Variants in LOXL3 observed in about 807,000 individuals in gnomAD.
LOXL3 encodes the protein lysyl oxidase homolog 3.
In LOXL3, 60 loss-of-function variants were observed where a neutral mutation model predicts 91.8. That is an observed-to-expected ratio of 0.65 (90% CI 0.53 to 0.81). LOXL3 has a LOEUF of 0.81. Among genes scored for constraint, LOXL3 ranks in the 30% least tolerant of loss-of-function variants. The probability of loss-of-function intolerance (pLI) is 0.00; values close to 1 mark genes in which losing one functional copy is unlikely to be tolerated. For synonymous variants in LOXL3, 355 were observed against 387.6 expected (o/e 0.92, Z 0.99); for missense variants, 874 against 1,000.4 (o/e 0.87, Z 1.70).
At chr2:74,545,175 A>C (rs1030834188) in intron 4 of LOXL3, among the ~76,000 whole-genome samples, 4 of 152,188 alleles carry the variant, frequency 2.6e-5, no homozygotes, top group Non-Finnish European at 5.9e-5. Flanking sequence ...CAGCATCGGA[A>C]TCATTTTAGG....
chr2:74,542,318 CA>C (rs1676369736), intron 4 of LOXL3, among the ~76,000 whole-genome samples: 1 of 152,046 alleles, frequency 6.6e-6, no homozygotes, highest in Non-Finnish European at 1.5e-5. Flanking sequence ...AACAAACAAA[CA>C]AACAAACAAA....
rs370157678 is a variant in LOXL3 at position 74,536,830 on chromosome 2, C to T, written c.791G>A (p.Arg264His). The change falls in exon 5 of 14, where the codon CGT (arginine) becomes CAT (histidine). Residue 264 changes from arginine (R) to histidine (H), a missense_variant. Coordinates refer to ENST00000264094, the MANE Select transcript of LOXL3 (RefSeq NM_032603.5). The surrounding 1 kb of genome is among the most constrained non-coding windows in gnomAD (Gnocchi z 4.5). ...AGGGCACCTGGCGGTGTCATTGGCA[C>T]GATAGAACTCCAGGGAACAGAGGGA... ...HLSLCSLEFY[R>H]ANDTARCPGG... 102 of 1,614,238 alleles carry T rather than the reference C, an allele frequency of 6.3e-5. No individual in the cohort carries two copies. The highest frequency in any genetic ancestry group is 2.0e-4 in the East Asian group (9 of 44,878).
At chr2:74,543,922 A>G in intron 4 of LOXL3, among the ~76,000 whole-genome samples, 1 of 150,318 alleles carries the variant, frequency 6.7e-6, no homozygotes, top group East Asian at 1.9e-4. Flanking sequence ...AAAAAAAAAA[A>G]AGAAAAGAAA....
chr2:74,534,331 T>G lies in LOXL3; in HGVS notation c.1924A>C (p.Thr642Pro). 1 of 1,614,254 alleles carries G rather than the reference T, an allele frequency of 6.2e-7. No individual in the cohort carries two copies. Among genetic ancestry groups the G allele is most frequent in the Non-Finnish European group, 8.5e-7 (1 of 1,180,028 alleles). The change falls in exon 11 of 14, where the codon ACT (threonine) becomes CCT (proline). Residue 642 changes from threonine to proline, a missense_variant. Thr to Pro is a conservative substitution (Grantham distance 38). Transcript: ENST00000264094. ...GHKASFCLED[T>P]ECQEDVSKRY... ...CCCAACTCACCCTCCTGACACTCAG[T>G]GTCTTCGAGACAGAAACTAGCTTTG...
In LOXL3 at chr2:74,536,797, C is replaced by T; in HGVS notation, c.824G>A (p.Gly275Asp). ...TGGCACACAGCTCACCACTGCAGGG[C>T]CCCCCCCAGGGCACCTGGCGGTGTC... ...ANDTARCPGG[G>D]PAVVSCVPGP... The change falls in exon 5 of 14, where the codon GGC (glycine) becomes GAC (aspartate). Residue 275 changes from glycine (G) to aspartate (D), a missense_variant. Physicochemically the swap from Gly to Asp is moderately conservative, Grantham distance 94. Coordinates refer to ENST00000264094, the MANE Select transcript of LOXL3 (RefSeq NM_032603.5). The surrounding 1 kb of genome is among the most constrained non-coding windows in gnomAD (Gnocchi z 4.5). 1.2e-6 allele frequency: 2 copies of T among 1,613,222 alleles called. No individual in the cohort carries two copies. The highest frequency in any genetic ancestry group is 2.2e-5 in the East Asian group (1 of 44,854).
At position 74,552,314 on chromosome 2, in the gene LOXL3, T is replaced by A. The variant is rs780691408; in HGVS notation, c.313+8A>T. The A allele has an allele frequency of 1.3e-6, 2 of 1,593,148 alleles. No individual in the cohort carries two copies. Among genetic ancestry groups the A allele is most frequent in the Non-Finnish European group, 1.7e-6 (2 of 1,162,936 alleles). On this transcript the variant is annotated splice_region_variant and intron_variant, in intron 2 of 13. Coordinates refer to ENST00000264094, the MANE Select transcript of LOXL3 (RefSeq NM_032603.5). ...AAATATCTAGGATATGCCTGGATCATTGCTCACCTGTTCCAGGGCCATATT... is the reference window on the plus strand; with the variant it reads ...AAATATCTAGGATATGCCTGGATCAATGCTCACCTGTTCCAGGGCCATATT...
chr2:74,554,969 C>T (rs956533560), upstream of LOXL3: 5 of 1,417,530 alleles, frequency 3.5e-6, no homozygotes, highest in African/African-American at 4.3e-5. This position sits in a 1 kb window ranked among gnomAD's most constrained non-coding sequence, Gnocchi z 4.9. Flanking sequence ...TCCCGGGAAG[C>T]GTCTGTAGTC....
chr2:74,543,374 T>C (rs1408056148), intron 4 of LOXL3, among the ~76,000 whole-genome samples: 1 of 152,114 alleles, frequency 6.6e-6, no homozygotes, highest in African/African-American at 2.4e-5. Flanking sequence ...TTGATGTTTC[T>C]AGGTAGAGAT....
chr2:74,555,224 A>G (rs572813451), upstream of LOXL3: 1 of 1,613,622 alleles, frequency 6.2e-7, no homozygotes, highest in Admixed American at 1.7e-5. This position sits in a 1 kb window ranked among gnomAD's most constrained non-coding sequence, Gnocchi z 6.1. Flanking sequence ...GAGTTCTTTG[A>G]CCATAAGGGG....
chr2:74,546,605 G>C (rs1676605990), intron 4 of LOXL3, among the ~76,000 whole-genome samples: 1 of 152,178 alleles, frequency 6.6e-6, no homozygotes, highest in Non-Finnish European at 1.5e-5. Flanking sequence ...TGTTTATCTA[G>C]AGGTCTGCAT....
At chr2:74,550,486 A>T (rs1186564609) in intron 2 of LOXL3, 138 bp from the exon 3 acceptor site, 1 of 923,596 alleles carries the variant, frequency 1.1e-6, no homozygotes, top group Non-Finnish European at 1.6e-6. Context: ...TAAGGGGTGG[A>T]GACGGGACAG....
rs1675958839 is a variant in LOXL3, at chr2:74,535,446, C to G, written c.1425G>C (p.Trp475Cys). 1 of 1,613,958 alleles carries G rather than the reference C, an allele frequency of 6.2e-7. No homozygotes were observed. Among genetic ancestry groups the G allele is most frequent in the East Asian group, 2.2e-5 (1 of 44,878 alleles). The change falls in exon 9 of 14, where the codon TGG becomes TGC. Residue 475 changes from tryptophan (W) to cysteine (C), a missense_variant. By Grantham distance (215) the Trp-to-Cys change is radical. Coordinates refer to ENST00000264094, the MANE Select transcript of LOXL3 (RefSeq NM_032603.5). This position sits in a 1 kb window ranked among gnomAD's most constrained non-coding sequence, Gnocchi z 4.2. ...CTGTTATATTCCCAGAGTCCCAGTACCAGGTCTCCTGGGGACATATGCAGA... is the reference window on the plus strand; with the variant it reads ...CTGTTATATTCCCAGAGTCCCAGTAGCAGGTCTCCTGGGGACATATGCAGA... ...GYANHGLQET[W>C]YWDSGNITEV...
In LOXL3 at chr2:74,552,504, A is replaced by C; in HGVS notation, c.131T>G (p.Phe44Cys). 1 of 1,613,666 alleles carries C rather than the reference A, an allele frequency of 6.2e-7. No individual in the cohort carries two copies. The highest frequency in any genetic ancestry group is 8.5e-7 in the Non-Finnish European group (1 of 1,179,952). ...CTTCCTGGGGAAGCCAGCCAGCCGG[A>C]ACCGAAGCCCCTGGCTCCCGGCCTT... is the stretch of plus-strand genomic sequence containing the variant. ...EKKAGSQGLR[F>C]RLAGFPRKPY... The change falls in exon 2 of 14, where the codon TTC becomes TGC. Residue 44 changes from phenylalanine to cysteine, a missense_variant. Phe to Cys is a radical substitution (Grantham distance 205, BLOSUM62 -2). Coordinates refer to ENST00000264094, the MANE Select transcript of LOXL3 (RefSeq NM_032603.5).
upstream of LOXL3, chr2:74,554,473 C>A (rs1454722180): frequency 5.8e-5 from 30 of 517,944 alleles, no homozygotes; most frequent in South Asian, 5.9e-4. This position sits in a 1 kb window ranked among gnomAD's most constrained non-coding sequence, Gnocchi z 4.9. Flanking sequence ...GCAGCCACCA[C>A]GCCCAGAGGC....
Position 74,549,352 on chromosome 2 carries a change from C to T in LOXL3, c.692+17G>A, listed in dbSNP as rs371714212. Reference sequence around the variant, plus strand: ...CCCAATCCCGGCCTGCTCCGCCCGGCGCCCGCGGCCCCTCACCTGTAGAAG... The same window carrying T: ...CCCAATCCCGGCCTGCTCCGCCCGGTGCCCGCGGCCCCTCACCTGTAGAAG... On this transcript the variant is annotated intron_variant, in intron 4 of 13. Coordinates refer to ENST00000264094, the MANE Select transcript of LOXL3 (RefSeq NM_032603.5). This position sits in a 1 kb window ranked among gnomAD's most constrained non-coding sequence, Gnocchi z 5.3. 6.4e-7 allele frequency: 1 copy of T among 1,555,042 alleles called. No homozygotes were observed. Among genetic ancestry groups the T allele is most frequent in the African/African-American group, 1.4e-5 (1 of 73,372 alleles).
chr2:74,533,907 T>C lies in LOXL3; in HGVS notation c.2163A>G (p.Arg721=). Residue 721 remains arginine (R), a synonymous_variant, in exon 13 of 14, where the codon AGA becomes AGG. Transcript: ENST00000264094. ...CAATGTGGCAGTTGTGCACCCAGAT[T>C]CTATGTCCATCATATTTGCAGTTAC... ...MKCNCKYDGH[R]IWVHNCHIGD... 6.2e-7 allele frequency: 1 copy of C among 1,614,080 alleles called. No homozygotes were observed. The highest frequency in any genetic ancestry group is 8.5e-7 in the Non-Finnish European group (1 of 1,179,944).
In LOXL3 at chr2:74,532,784, A is replaced by C. The variant is rs1558613836; in HGVS notation, c.*822T>G. ...CATGTGTCCTTGAACTAGGCTTTGT[A>C]CTCCTTCCTTTCTCTCTGTCCATTT... On this transcript the variant is annotated 3_prime_UTR_variant, in exon 14 of 14. Transcript: ENST00000264094. 5.0e-6 allele frequency: 8 copies of C among 1,612,890 alleles called. No individual in the cohort carries two copies. In the East Asian group the frequency reaches 1.8e-4, roughly 36 times the overall value.
At chr2:74,534,462 C>T in intron 10 of LOXL3, 31 bp from the exon 11 acceptor site, 1 of 1,613,894 alleles carries the variant, frequency 6.2e-7, no homozygotes, top group Non-Finnish European at 8.5e-7. Flanking sequence ...CTGTTTCCTT[C>T]TCTGCCCCCA....
chr2:74,549,123 C>T lies in LOXL3; in HGVS notation c.692+246G>A, dbSNP rs1030518039. ...CGGGGCCGAGGAATCCGCCTGCCCG[C>T]CCAGGCGTCGGCCACGAGAGAGCGG... is the stretch of plus-strand genomic sequence containing the variant. On this transcript the variant is annotated intron_variant, in intron 4 of 13. Transcript: ENST00000264094. The surrounding 1 kb of genome is among the most constrained non-coding windows in gnomAD (Gnocchi z 5.3). 5.3e-6 allele frequency: 2 copies of T among 375,876 alleles called. No individual in the cohort carries two copies. The highest frequency in any genetic ancestry group is 8.3e-5 in the East Asian group (2 of 24,104). The allele number at this position is 375,876 out of a possible 1,614,324, so 23.3% of individuals were successfully genotyped here. A position where few individuals can be genotyped will look rare whatever the true frequency, so the allele number is the denominator to read the frequency against.
Sources: gnomAD v4.1 joint callset for allele counts (sites outside exome capture counted in the v4.1 genomes callset) on GRCh38, gnomAD v4.1.1 for gene constraint, Gnocchi (gnomAD v3.1) non-coding constraint, MANE v1.5 for transcripts, NCBI Gene and HGNC (gene_info 2026-07-23, HGNC 2026-07-21) for gene names.